PDCD10: variants seen among roughly 807,000 people sequenced by gnomAD.
PDCD10 encodes programmed cell death 10, also known as programmed cell death protein 10.
A neutral mutation model predicts 29.2 loss-of-function variants in PDCD10; 4 were observed. The observed-to-expected ratio is 0.14, with a 90% CI of 0.07 to 0.31. The LOEUF (loss-of-function observed/expected upper bound fraction) is 0.31. Among genes scored for constraint, PDCD10 ranks in the 10% least tolerant of loss-of-function variants. The pLI is 1.00. For missense variants in PDCD10, 183 were observed against 257.9 expected (o/e 0.71, Z 1.99); for synonymous variants, 70 against 82.2 (o/e 0.85, Z 0.80).
chr3:167,712,526 A>C (rs1722618281), intron 3 of PDCD10, among the ~76,000 whole-genome samples: 1 of 152,048 alleles, frequency 6.6e-6, no homozygotes, highest in South Asian at 2.1e-4. Context: ...ACCTTTGCTA[A>C]AAGGAAGACA....
chr3:167,691,234 G>A (rs1012220237), intron 6 of PDCD10, among the ~76,000 whole-genome samples: 3 of 152,058 alleles, frequency 2.0e-5, no homozygotes, highest in African/African-American at 7.3e-5. Flanking sequence ...TTATACTTTA[G>A]CCTATCTATG....
intron 3 of PDCD10, among the ~76,000 whole-genome samples, chr3:167,716,643 T>A (rs1723047522): frequency 6.6e-6 from 1 of 151,906 alleles, no homozygotes; most frequent in Non-Finnish European, 1.5e-5. Flanking sequence ...TATTCCAGGT[T>A]TCATTTGCTA....
At chr3:167,720,835 A>C (rs144889356) in intron 2 of PDCD10, among the ~76,000 whole-genome samples, 48 of 152,240 alleles carry the variant, frequency 3.2e-4, no homozygotes, top group African/African-American at 1.1e-3. Context: ...ATTGAAAAAA[A>C]TTCTACCAAA....
intron 2 of PDCD10, among the ~76,000 whole-genome samples, chr3:167,733,215 T>C (rs1216274204): frequency 6.6e-6 from 1 of 152,238 alleles, no homozygotes; most frequent in Non-Finnish European, 1.5e-5. Flanking sequence ...ATTTATTACA[T>C]GTTAAGAGTA....
At chr3:167,704,152 C>T (rs1309789933) in intron 4 of PDCD10, among the ~76,000 whole-genome samples, 1 of 152,122 alleles carries the variant, frequency 6.6e-6, no homozygotes, top group African/African-American at 2.4e-5. Flanking sequence ...CACTGAAAAA[C>T]GTTTTTTAGA....
intron 3 of PDCD10, among the ~76,000 whole-genome samples, chr3:167,715,958 G>C (rs1722963483): frequency 6.6e-6 from 1 of 151,938 alleles, no homozygotes; most frequent in African/African-American, 2.4e-5. Context: ...ATGTAGAAGA[G>C]ATTTCTACAC....
At chr3:167,700,033 T>C (rs1721224060) in intron 4 of PDCD10, among the ~76,000 whole-genome samples, 1 of 152,156 alleles carries the variant, frequency 6.6e-6, no homozygotes, top group Non-Finnish European at 1.5e-5. Flanking sequence ...TTATCAAAAC[T>C]CACACGCAAA....
chr3:167,713,357 A>T (rs1215227141), intron 3 of PDCD10, among the ~76,000 whole-genome samples: 2 of 152,060 alleles, frequency 1.3e-5, no homozygotes, highest in Non-Finnish European at 1.5e-5. Context: ...CAAAAACTTA[A>T]GAAAGAAAAT....
chr3:167,705,593 C>G (rs1721895099), intron 3 of PDCD10, among the ~76,000 whole-genome samples: 2 of 152,078 alleles, frequency 1.3e-5, no homozygotes, highest in Non-Finnish European at 2.9e-5. Flanking sequence ...CTTGCAACTC[C>G]CTACAAATGA....
In PDCD10 at chr3:167,684,398, A is replaced by G. The variant is rs775878833; in HGVS notation, c.558-9T>C. ...CGAACACATTTATTGCCCTGTTTAA[A>G]AAGAAAAGAATAAGCATTAATTTCA... is the stretch of plus-strand genomic sequence containing the variant. On this transcript the variant is annotated splice_polypyrimidine_tract_variant and intron_variant, in intron 8 of 8. Coordinates refer to ENST00000392750, the MANE Select transcript of PDCD10 (RefSeq NM_007217.4). The G allele has an allele frequency of 6.5e-7, 1 of 1,549,764 alleles. No individual in the cohort carries two copies. Among genetic ancestry groups the G allele is most frequent in the South Asian group, 1.1e-5 (1 of 89,722 alleles).
intron 3 of PDCD10, among the ~76,000 whole-genome samples, chr3:167,719,116 G>T (rs1280595558): frequency 6.6e-6 from 1 of 151,962 alleles, no homozygotes; most frequent in Non-Finnish European, 1.5e-5. Flanking sequence ...GGAAAAAAAT[G>T]GTTTTGAAAT....
intron 6 of PDCD10, among the ~76,000 whole-genome samples, chr3:167,694,180 T>TA (rs1453001456): frequency 1.3e-5 from 2 of 152,018 alleles, no homozygotes; most frequent in African/African-American, 4.8e-5. Flanking sequence ...CATTTACACT[T>TA]AAAAAATGGA....
intron 2 of PDCD10, among the ~76,000 whole-genome samples, chr3:167,722,710 C>G (rs1723704946): frequency 6.6e-6 from 1 of 152,068 alleles, no homozygotes; most frequent in South Asian, 2.1e-4. Context: ...GTGTTTCACT[C>G]TTTTGAACAC....
chr3:167,689,250 G>A (rs1719962911), intron 6 of PDCD10, among the ~76,000 whole-genome samples: 1 of 151,990 alleles, frequency 6.6e-6, no homozygotes, highest in South Asian at 2.1e-4. Context: ...ACCCACTATT[G>A]TTTAATAAAA....
At chr3:167,725,123 G>C (rs1038353246) in intron 2 of PDCD10, among the ~76,000 whole-genome samples, 1 of 152,090 alleles carries the variant, frequency 6.6e-6, no homozygotes, top group African/African-American at 2.4e-5. Flanking sequence ...CAGATGCGGT[G>C]GTGGGCTTCT....
chr3:167,725,709 A>G (rs1027790436), intron 2 of PDCD10, among the ~76,000 whole-genome samples: 1 of 147,282 alleles, frequency 6.8e-6, no homozygotes, highest in South Asian at 2.2e-4. Flanking sequence ...AGGGACATCT[A>G]GAAGCAATCT....
chr3:167,706,333 C>A (rs143017481), intron 3 of PDCD10, among the ~76,000 whole-genome samples: 2 of 152,284 alleles, frequency 1.3e-5, no homozygotes, highest in South Asian at 2.1e-4. Flanking sequence ...AGTCATGCAT[C>A]GCTTAATGAT....
intron 7 of PDCD10, 103 bp from the exon 8 acceptor site, chr3:167,687,419 T>C: frequency 1.3e-6 from 1 of 768,912 alleles, no homozygotes; most frequent in Non-Finnish European, 2.3e-6. Flanking sequence ...GGGATGCACT[T>C]TATATGAATA....
At chr3:167,689,116 C>G (rs1719951845) in intron 6 of PDCD10, among the ~76,000 whole-genome samples, 1 of 152,074 alleles carries the variant, frequency 6.6e-6, no homozygotes, top group Admixed American at 6.6e-5. Flanking sequence ...GACAGTAAGT[C>G]TTACATAAAT....
Sources: allele counts gnomAD v4.1 joint callset (sites outside exome capture counted in the v4.1 genomes callset), GRCh38; gene constraint gnomAD v4.1.1; transcripts MANE v1.5; gene names NCBI Gene and HGNC (gene_info 2026-07-23, HGNC 2026-07-21).